The following ZCCHC7 variants were observed in gnomAD, a reference collection of about 807,000 sequenced individuals.
The protein encoded by ZCCHC7 is zinc finger CCHC-type containing 7, also known as zinc finger CCHC domain-containing protein 7.
ZCCHC7 carries 35 observed loss-of-function variants against 52.0 expected under a neutral mutation model. The observed-to-expected ratio is 0.67, with a 90% CI of 0.51 to 0.89. The LOEUF (loss-of-function observed/expected upper bound fraction) is 0.89. ZCCHC7 is among the 40% of genes least tolerant of loss of function. The probability of loss-of-function intolerance (pLI) is 0.00; values close to 1 mark genes in which losing one functional copy is unlikely to be tolerated. For missense variants in ZCCHC7, 574 were observed against 649.1 expected, an observed-to-expected ratio of 0.88 and a Z score of 1.26; for synonymous variants, 217 against 221.5, an observed-to-expected ratio of 0.98 and a Z score of 0.18.
intron 6 of ZCCHC7, among the ~76,000 whole-genome samples, chr9:37,347,529 G>A (rs1460473604): frequency 1.3e-5 from 2 of 152,114 alleles, no homozygotes; most frequent in South Asian, 2.1e-4. Context: ...AATTAGTTAT[G>A]TAATACACAC....
Position 37,298,819 on chromosome 9 carries a change from T to C in ZCCHC7, c.611-3369T>C, listed in dbSNP as rs570327903. On this transcript the variant is annotated intron_variant, in intron 2 of 8. Transcript: ENST00000336755. ...ACGGCCCTGCCTTCTGTAACTTTTT[T>C]CCTTCTCTCCCTAAAATTGAGGTAT... Among the ~76,000 whole-genome samples, 5 of 152,356 alleles carry C rather than the reference T, an allele frequency of 3.3e-5. No individual in the cohort carries two copies. The South Asian group carries it at 8.3e-4, about 25-fold the overall frequency.
intron 2 of ZCCHC7, among the ~76,000 whole-genome samples, chr9:37,244,645 C>G (rs1201641920): frequency 6.6e-6 from 1 of 151,812 alleles, no homozygotes; most frequent in African/African-American, 2.4e-5. Context: ...CCAAGTAATC[C>G]TGCCATTTTC....
chr9:37,192,873 G>A (rs906504390), intron 2 of ZCCHC7, among the ~76,000 whole-genome samples: 1 of 152,004 alleles, frequency 6.6e-6, no homozygotes, highest in African/African-American at 2.4e-5. Flanking sequence ...TTATTCTTTA[G>A]TCTGGATCTT....
At chr9:37,216,772 CA>C (rs1474801287) in intron 2 of ZCCHC7, among the ~76,000 whole-genome samples, 1 of 152,144 alleles carries the variant, frequency 6.6e-6, no homozygotes, top group East Asian at 1.9e-4. Context: ...TCTATTAAGA[CA>C]TTTCTTAGAA....
At chr9:37,283,596 T>C (rs1296966024) in intron 2 of ZCCHC7, among the ~76,000 whole-genome samples, 1 of 152,214 alleles carries the variant, frequency 6.6e-6, no homozygotes, top group African/African-American at 2.4e-5. Context: ...ATACTTTTAT[T>C]TGAAAATATT....
intron 2 of ZCCHC7, among the ~76,000 whole-genome samples, chr9:37,232,422 C>T (rs1252024220): frequency 6.6e-6 from 1 of 152,218 alleles, no homozygotes; most frequent in African/African-American, 2.4e-5. Context: ...TTGATTTCTA[C>T]AGATAGGGCC....
At position 37,354,591 on chromosome 9, in the gene ZCCHC7, C is replaced by T. The variant is rs1821583567; in HGVS notation, c.1084-119C>T. ...CCCAGCAAGGACCATATCCTACAGC[C>T]ACCACATGAGGTACCAGTGACATGG... On this transcript the variant is annotated intron_variant, in intron 7 of 8. Transcript: ENST00000336755. This position sits in a 1 kb window ranked among gnomAD's most constrained non-coding sequence, Gnocchi z 4.0. The T allele has an allele frequency of 3.0e-6, 2 of 664,516 alleles. No individual in the cohort carries two copies. Among genetic ancestry groups the T allele is most frequent in the Non-Finnish European group, 5.2e-6 (2 of 387,632 alleles). The allele number at this position is 664,516 out of a possible 1,614,324, so 41.2% of individuals were successfully genotyped here. A position where few individuals can be genotyped will look rare whatever the true frequency, so the allele number is the denominator to read the frequency against.
intron 2 of ZCCHC7, among the ~76,000 whole-genome samples, chr9:37,297,308 C>A (rs963965588): frequency 6.6e-6 from 1 of 152,086 alleles, no homozygotes; most frequent in African/African-American, 2.4e-5. Flanking sequence ...ATGGTAAATT[C>A]TTTGAGGGCA....
chr9:37,130,235 CAAA>C (rs33929421), intron 2 of ZCCHC7, among the ~76,000 whole-genome samples: 13 of 104,284 alleles, frequency 1.2e-4, no homozygotes, highest in Admixed American at 1.1e-4. Flanking sequence ...GAGACTGTCT[CAAA>C]AAAAAAAAAA....
chr9:37,266,765 T>C (rs1323610413), intron 2 of ZCCHC7, among the ~76,000 whole-genome samples: 1 of 152,070 alleles, frequency 6.6e-6, no homozygotes, highest in African/African-American at 2.4e-5. Flanking sequence ...TCTTAGCTAC[T>C]TGGGGGGCTA....
intron 2 of ZCCHC7, among the ~76,000 whole-genome samples, chr9:37,263,412 C>A (rs754435931): frequency 3.3e-5 from 5 of 151,694 alleles, no homozygotes; most frequent in African/African-American, 1.2e-4. Flanking sequence ...TCGTATTTCC[C>A]ATTTATATTT....
intron 2 of ZCCHC7, among the ~76,000 whole-genome samples, chr9:37,175,198 C>G (rs942805037): frequency 1.3e-5 from 2 of 152,020 alleles, no homozygotes; most frequent in East Asian, 3.8e-4. Context: ...TTCTTACCAT[C>G]CTACTATGAG....
At chr9:37,282,813 G>A in intron 2 of ZCCHC7, among the ~76,000 whole-genome samples, 1 of 149,498 alleles carries the variant, frequency 6.7e-6, no homozygotes, top group East Asian at 2.0e-4. Context: ...GCCTGGCTCT[G>A]GCTTAAAAAA....
intron 2 of ZCCHC7, among the ~76,000 whole-genome samples, chr9:37,280,520 G>C (rs1016388717): frequency 6.6e-6 from 1 of 151,596 alleles, no homozygotes; most frequent in African/African-American, 2.4e-5. Context: ...TGAAATCTTA[G>C]ACTTTGTTCT....
chr9:37,195,668 C>G (rs538137658), intron 2 of ZCCHC7, among the ~76,000 whole-genome samples: 11 of 152,148 alleles, frequency 7.2e-5, no homozygotes, highest in Non-Finnish European at 1.5e-4. Flanking sequence ...ATAGGGAGAA[C>G]AGTTTGAGCA....
chr9:37,224,564 A>C (rs768054270), intron 2 of ZCCHC7, among the ~76,000 whole-genome samples: 5 of 152,186 alleles, frequency 3.3e-5, no homozygotes, highest in Non-Finnish European at 7.4e-5. Flanking sequence ...TTAGAAGGGA[A>C]ATAAAGTGAC....
At chr9:37,228,960 C>T (rs1358167451) in intron 2 of ZCCHC7, among the ~76,000 whole-genome samples, 2 of 150,750 alleles carry the variant, frequency 1.3e-5, no homozygotes, top group African/African-American at 4.9e-5. Context: ...CTCAGCCTCT[C>T]GAGTAGCTGG....
At position 37,273,861 on chromosome 9, in the gene ZCCHC7, A is replaced by G. The variant is rs191990605; in HGVS notation, c.611-28327A>G. 4.6e-5 allele frequency among the ~76,000 whole-genome samples: 7 copies of G among 151,746 alleles called. No homozygotes were observed. In the East Asian group the frequency reaches 1.4e-3, roughly 29 times the overall value. On this transcript the variant is annotated intron_variant, in intron 2 of 8. Coordinates refer to ENST00000336755, the MANE Select transcript of ZCCHC7 (RefSeq NM_032226.3). ...TCAGAGATATGTGGGAATTTTTTTT[A>G]TATGTTCCAGATATGAACACTTTGT...
intron 2 of ZCCHC7, among the ~76,000 whole-genome samples, chr9:37,146,479 C>G (rs1235239583): frequency 6.6e-6 from 1 of 151,912 alleles, no homozygotes; most frequent in Admixed American, 6.6e-5. Context: ...GTAAATTAGG[C>G]CTGCTTTATT....
Sources: gnomAD v4.1 joint callset for allele counts (sites outside exome capture counted in the v4.1 genomes callset) on GRCh38, gnomAD v4.1.1 for gene constraint, Gnocchi (gnomAD v3.1) non-coding constraint, MANE v1.5 for transcripts, NCBI Gene and HGNC (gene_info 2026-07-23, HGNC 2026-07-21) for gene names.